Variants in TRDN observed in about 807,000 individuals in gnomAD.
TRDN encodes triadin in skeletal muscle.
A neutral mutation model predicts 149.7 loss-of-function variants in TRDN; 161 were observed. That is an observed-to-expected ratio of 1.08 (90% CI 0.95 to 1.23). The LOEUF (loss-of-function observed/expected upper bound fraction) is 1.23. Ranked by LOEUF, TRDN falls within the 50% of genes most tolerant of loss-of-function variation. The pLI is 0.00. For missense variants in TRDN, 896 were observed against 823.5 expected, an observed-to-expected ratio of 1.09 and a Z score of -1.08; for synonymous variants, 294 against 250.5, an observed-to-expected ratio of 1.17 and a Z score of -1.64.
rs796502576 is a variant in TRDN, at chr6:123,548,258, G to A, written c.391+196C>T. On this transcript the variant is annotated intron_variant, in intron 3 of 40. Coordinates refer to ENST00000334268, the MANE Select transcript of TRDN (RefSeq NM_006073.4). ...ACATCTTTGCCATAATGGTAGATAAGCTATAAGATGAAAATTAAATAAAGA... is the reference window on the plus strand; with the variant it reads ...ACATCTTTGCCATAATGGTAGATAAACTATAAGATGAAAATTAAATAAAGA... Among the ~76,000 whole-genome samples, 23 of 152,004 alleles carry A rather than the reference G, an allele frequency of 1.5e-4. 1 individual carries two copies. Among genetic ancestry groups the A allele is most frequent in the African/African-American group, 5.5e-4 (23 of 41,502 alleles).
intron 2 of TRDN, among the ~76,000 whole-genome samples, chr6:123,562,177 C>G (rs1006222660): frequency 2.0e-5 from 3 of 152,108 alleles, no homozygotes; most frequent in African/African-American, 7.2e-5. Flanking sequence ...GAGAATAACC[C>G]CCCTTTGACT....
At chr6:123,585,531 C>A (rs753279898) in intron 1 of TRDN, among the ~76,000 whole-genome samples, 1 of 152,018 alleles carries the variant, frequency 6.6e-6, no homozygotes, top group African/African-American at 2.4e-5. Context: ...AGGGGGCTTC[C>A]GAGGCGATTG....
intron 1 of TRDN, among the ~76,000 whole-genome samples, chr6:123,585,627 G>A (rs541983224): frequency 1.3e-5 from 2 of 152,314 alleles, no homozygotes; most frequent in East Asian, 3.9e-4. Flanking sequence ...GGCTCTGGGA[G>A]TGGCTGCCGG....
chr6:123,295,266 A>G (rs530910987), intron 24 of TRDN, among the ~76,000 whole-genome samples: 37 of 152,274 alleles, frequency 2.4e-4, no homozygotes, highest in Admixed American at 1.6e-3. Context: ...TATGCATGCA[A>G]TTAAAAGTGG....
intron 24 of TRDN, among the ~76,000 whole-genome samples, chr6:123,299,116 C>T (rs1454204364): frequency 6.6e-6 from 1 of 151,958 alleles, no homozygotes; most frequent in African/African-American, 2.4e-5. Context: ...ATCACCTCCC[C>T]ATCATACCCT....
At chr6:123,487,866 C>T (rs1778041628) in intron 9 of TRDN, among the ~76,000 whole-genome samples, 1 of 152,060 alleles carries the variant, frequency 6.6e-6, no homozygotes, top group Admixed American at 6.6e-5. Flanking sequence ...GTTCTAGATC[C>T]ACTCCATCTT....
chr6:123,326,794 T>A (rs1026048883), intron 23 of TRDN, among the ~76,000 whole-genome samples: 5 of 152,126 alleles, frequency 3.3e-5, no homozygotes, highest in Non-Finnish European at 5.9e-5. Flanking sequence ...TTAGCTATTT[T>A]TAAAATAAAT....
chr6:123,382,268 T>A, intron 14 of TRDN, 121 bp from the exon 15 acceptor site: 1 of 630,048 alleles, frequency 1.6e-6, no homozygotes, highest in Non-Finnish European at 2.5e-6. Context: ...TGATCATTTG[T>A]ATATTTCTAG....
chr6:123,332,278 A>G (rs1332160500), intron 22 of TRDN, among the ~76,000 whole-genome samples: 1 of 148,018 alleles, frequency 6.8e-6, no homozygotes, highest in Non-Finnish European at 1.5e-5. Context: ...TTTAATCAGC[A>G]CAAAGCCAGT....
At position 123,333,603 on chromosome 6, in the gene TRDN, G is replaced by C. The variant is rs116728911; in HGVS notation, c.1421-1674C>G. ...ATCCACTTTGTCCTCAGGGGCTTTT[G>C]TCCCAGTTTAGGAAGTCCACAGACT... On this transcript the variant is annotated intron_variant, in intron 22 of 40. Coordinates refer to ENST00000334268, the MANE Select transcript of TRDN (RefSeq NM_006073.4). 1.7e-3 allele frequency among the ~76,000 whole-genome samples: 266 copies of C among 152,096 alleles called. 1 individual carries two copies. The highest frequency in any genetic ancestry group is 6.1e-3 in the African/African-American group (254 of 41,530).
Position 123,398,045 on chromosome 6 carries a change from C to T in TRDN, c.1052-4368G>A, listed in dbSNP as rs564732065. 5.9e-5 allele frequency among the ~76,000 whole-genome samples: 9 copies of T among 152,334 alleles called. No individual in the cohort carries two copies. In the East Asian group the frequency reaches 1.7e-3, roughly 29 times the overall value. On this transcript the variant is annotated intron_variant, in intron 12 of 40. Transcript: ENST00000334268. ...TTTGAAATGGTGTCTCACTCCGTCGCCCAGGCTGGCGTGCAGTGGCACGAT... is the reference window on the plus strand; with the variant it reads ...TTTGAAATGGTGTCTCACTCCGTCGTCCAGGCTGGCGTGCAGTGGCACGAT...
chr6:123,232,209 A>G (rs935460164), intron 38 of TRDN, among the ~76,000 whole-genome samples: 1 of 40,578 alleles, frequency 2.5e-5, no homozygotes, highest in Non-Finnish European at 5.4e-5. Flanking sequence ...AAATAGACTG[A>G]AAAAAAAAAA....
chr6:123,524,180 T>G (rs1224851797), intron 5 of TRDN, among the ~76,000 whole-genome samples: 1 of 152,070 alleles, frequency 6.6e-6, no homozygotes, highest in African/African-American at 2.4e-5. Context: ...CATGAATAAT[T>G]TGGGTGGACA....
chr6:123,226,323 G>A (rs1775364061), intron 38 of TRDN, among the ~76,000 whole-genome samples: 3 of 151,828 alleles, frequency 2.0e-5, no homozygotes, highest in African/African-American at 7.2e-5. Context: ...TATCTTAATT[G>A]TGTAATAAGG....
intron 21 of TRDN, among the ~76,000 whole-genome samples, chr6:123,342,799 G>T (rs1251290121): frequency 6.6e-6 from 1 of 151,918 alleles, no homozygotes; most frequent in Admixed American, 6.6e-5. Flanking sequence ...AAGTGAACAG[G>T]GTGCCTATCT....
At chr6:123,341,163 T>C (rs1415195307) in intron 21 of TRDN, among the ~76,000 whole-genome samples, 1 of 151,902 alleles carries the variant, frequency 6.6e-6, no homozygotes, top group Non-Finnish European at 1.5e-5. Flanking sequence ...ACAATTATCA[T>C]GAAGGAAATA....
intron 1 of TRDN, among the ~76,000 whole-genome samples, chr6:123,593,544 T>A (rs1562413950): frequency 6.6e-6 from 1 of 152,238 alleles, no homozygotes; most frequent in Non-Finnish European, 1.5e-5. Context: ...ATAGGGTTCT[T>A]TCTGAGGCCT....
At position 123,241,146 on chromosome 6, in the gene TRDN, G is replaced by A. The variant is rs189371946; in HGVS notation, c.1975+11266C>T. Reference sequence around the variant, plus strand: ...CAAATTGAAATATTACTTCAAATGGGAATGACATACTTATTGGGAAATTCT... The same window carrying A: ...CAAATTGAAATATTACTTCAAATGGAAATGACATACTTATTGGGAAATTCT... On this transcript the variant is annotated intron_variant, in intron 38 of 40. Coordinates refer to ENST00000334268, the MANE Select transcript of TRDN (RefSeq NM_006073.4). 2.5e-3 allele frequency among the ~76,000 whole-genome samples: 373 copies of A among 151,404 alleles called. 1 individual carries two copies. Among genetic ancestry groups the A allele is most frequent in the Non-Finnish European group, 4.7e-3 (318 of 67,624 alleles).
chr6:123,283,469 GA>G (rs1266121021), intron 24 of TRDN, among the ~76,000 whole-genome samples: 1 of 151,342 alleles, frequency 6.6e-6, no homozygotes, highest in Non-Finnish European at 1.5e-5. Flanking sequence ...ACTAAGATCA[GA>G]ACAGAAATAA....
Sources: allele counts gnomAD v4.1 joint callset (sites outside exome capture counted in the v4.1 genomes callset), GRCh38; gene constraint gnomAD v4.1.1; transcripts MANE v1.5; gene names NCBI Gene and HGNC (gene_info 2026-07-23, HGNC 2026-07-21).